Variants in PPP6R2 observed in about 807,000 individuals in gnomAD.
PPP6R2 encodes the protein protein phosphatase 6 regulatory subunit 2, also known as serine/threonine-protein phosphatase 6 regulatory subunit 2.
In PPP6R2, 62 loss-of-function variants were observed where a neutral mutation model predicts 100.2. The observed-to-expected ratio is 0.62, with a 90% CI of 0.50 to 0.76. The LOEUF (loss-of-function observed/expected upper bound fraction) is 0.76. Among genes scored for constraint, PPP6R2 ranks in the 30% least tolerant of loss-of-function variants. The probability of loss-of-function intolerance (pLI) is 0.00; values close to 1 mark genes in which losing one functional copy is unlikely to be tolerated. For missense variants in PPP6R2, 1,142 were observed against 1,276.3 expected, an observed-to-expected ratio of 0.89 and a Z score of 1.60; for synonymous variants, 525 against 514.7, an observed-to-expected ratio of 1.02 and a Z score of -0.27.
chr22:50,437,776 A>G, intron 16 of PPP6R2, 67 bp from the exon 17 acceptor site: 2 of 1,515,830 alleles, frequency 1.3e-6, no homozygotes, highest in Admixed American at 2.0e-5. Context: ...CCGGGGGAGG[A>G]GCACTGAGGC....
chr22:50,398,943 C>T (rs2057570254), intron 3 of PPP6R2, among the ~76,000 whole-genome samples: 1 of 152,136 alleles, frequency 6.6e-6, no homozygotes, highest in Non-Finnish European at 1.5e-5. Context: ...ACAAAAAACA[C>T]TTTTTTTGAG....
At chr22:50,414,467 A>C in intron 4 of PPP6R2, 85 bp from the exon 5 acceptor site, 1 of 1,479,094 alleles carries the variant, frequency 6.8e-7, no homozygotes, top group South Asian at 1.2e-5. Flanking sequence ...TTACTAGTTC[A>C]ACTTTCCCAT....
In PPP6R2 at chr22:50,437,913, G is replaced by T; in HGVS notation, c.1839+13G>T. Reference sequence around the variant, plus strand: ...TGACGAGGACAGTGTGAGCAAGCCGGGCTGTGTGGGGTGCCGCCACCCTTT... The same window carrying T: ...TGACGAGGACAGTGTGAGCAAGCCGTGCTGTGTGGGGTGCCGCCACCCTTT... On this transcript the variant is annotated intron_variant, in intron 17 of 23. Transcript: ENST00000612753. 1 of 1,559,090 alleles carries T rather than the reference G, an allele frequency of 6.4e-7. No homozygotes were observed. The highest frequency in any genetic ancestry group is 8.7e-7 in the Non-Finnish European group (1 of 1,151,696).
At chr22:50,370,758 C>T (rs779111828) in intron 1 of PPP6R2, among the ~76,000 whole-genome samples, 36 of 151,986 alleles carry the variant, frequency 2.4e-4, no homozygotes, top group South Asian at 8.3e-4. Context: ...CTCAGCCTCC[C>T]GAGTAGCTGG....
chr22:50,376,048 G>A (rs972708863), intron 2 of PPP6R2, among the ~76,000 whole-genome samples: 2 of 151,740 alleles, frequency 1.3e-5, no homozygotes, highest in African/African-American at 4.8e-5. Context: ...GGCCAGGCTG[G>A]TCTTGAACTC....
Position 50,431,244 on chromosome 22 carries a change from C to T in PPP6R2, c.1197C>T (p.Leu399=). The change falls in exon 11 of 24, where the codon CTC becomes CTT. Residue 399 remains leucine, a synonymous_variant. Transcript: ENST00000612753. This position sits in a 1 kb window ranked among gnomAD's most constrained non-coding sequence, Gnocchi z 4.8. ...TGGAACTATGCATAGCCGCTATTCT[C>T]TCCCACGCTGCCCGTGAGGAGAGGA... is the stretch of plus-strand genomic sequence containing the variant. ...FQVELCIAAI[L]SHAAREERTE... 6.2e-7 allele frequency: 1 copy of T among 1,613,902 alleles called. No homozygotes were observed. Among genetic ancestry groups the T allele is most frequent in the South Asian group, 1.1e-5 (1 of 91,084 alleles).
chr22:50,342,548 A>C (rs982661374), upstream of PPP6R2, among the ~76,000 whole-genome samples: 69 of 152,354 alleles, frequency 4.5e-4, no homozygotes, highest in African/African-American at 1.5e-3. Flanking sequence ...TGAGCCGCCC[A>C]GATACGCTTT....
intron 2 of PPP6R2, among the ~76,000 whole-genome samples, chr22:50,382,771 C>T (rs1394091119): frequency 6.6e-6 from 1 of 151,498 alleles, no homozygotes; most frequent in Non-Finnish European, 1.5e-5. Flanking sequence ...AAATTGAGTG[C>T]AATCCCAATA....
At chr22:50,380,341 G>A (rs903014348) in intron 2 of PPP6R2, among the ~76,000 whole-genome samples, 1 of 150,970 alleles carries the variant, frequency 6.6e-6, no homozygotes, top group Non-Finnish European at 1.5e-5. Flanking sequence ...AAAGTGCTGG[G>A]TTACAGGCGT....
chr22:50,435,845 A>AG (rs1220686305), intron 13 of PPP6R2, among the ~76,000 whole-genome samples: 4 of 152,146 alleles, frequency 2.6e-5, no homozygotes, highest in Non-Finnish European at 1.5e-5. Flanking sequence ...CAGTTTAAGG[A>AG]GGCGAGGGGC....
chr22:50,373,857 C>T (rs2050849130), intron 2 of PPP6R2, among the ~76,000 whole-genome samples: 1 of 152,078 alleles, frequency 6.6e-6, no homozygotes, highest in South Asian at 2.1e-4. Context: ...CGTCAGCCTC[C>T]CGAATAGCTG....
chr22:50,431,151 C>A lies in PPP6R2; in HGVS notation c.1126-22C>A, dbSNP rs778566581. 2.5e-6 allele frequency: 4 copies of A among 1,575,714 alleles called. No individual in the cohort carries two copies. Among genetic ancestry groups the A allele is most frequent in the Admixed American group, 1.7e-5 (1 of 59,814 alleles). ...AGGAGAAAACCGATCTAAGAACTGT[C>A]TTCTGTCCTCTGTTTACCCAGGACT... On this transcript the variant is annotated intron_variant, in intron 10 of 23. Transcript: ENST00000612753. The surrounding 1 kb of genome is among the most constrained non-coding windows in gnomAD (Gnocchi z 4.8).
chr22:50,365,069 CTTTT>C (rs753699499), intron 1 of PPP6R2, among the ~76,000 whole-genome samples: 2 of 128,420 alleles, frequency 1.6e-5, no homozygotes, highest in Non-Finnish European at 3.3e-5. Context: ...ATATGAGATA[CTTTT>C]TTTTTTTTTT....
upstream of PPP6R2, among the ~76,000 whole-genome samples, chr22:50,341,231 G>A (rs900898927): frequency 8.6e-5 from 13 of 151,810 alleles, no homozygotes; most frequent in African/African-American, 2.9e-4. Flanking sequence ...TTTGAGACAT[G>A]GTCTTGTTCT....
chr22:50,402,073 C>G (rs764166288), intron 3 of PPP6R2, among the ~76,000 whole-genome samples: 4 of 152,098 alleles, frequency 2.6e-5, no homozygotes, highest in Non-Finnish European at 4.4e-5. Flanking sequence ...CTGTTCTCTA[C>G]ACTTGCTCTC....
chr22:50,353,084 C>T (rs28880317), intron 1 of PPP6R2, among the ~76,000 whole-genome samples: 5,494 of 152,186 alleles, frequency 0.036, 143 homozygotes, highest in East Asian at 0.12. Context: ...CAGCCTTCTC[C>T]GTGTCAGCAA....
intron 2 of PPP6R2, among the ~76,000 whole-genome samples, chr22:50,392,354 A>C (rs1048708118): frequency 6.6e-6 from 1 of 151,784 alleles, no homozygotes; most frequent in Non-Finnish European, 1.5e-5. Context: ...AAAAAAAAAA[A>C]AAAACCCACC....
At chr22:50,413,934 C>T (rs1381831921) in intron 4 of PPP6R2, among the ~76,000 whole-genome samples, 3 of 152,210 alleles carry the variant, frequency 2.0e-5, no homozygotes, top group Admixed American at 1.3e-4. Flanking sequence ...ACCTTGGATC[C>T]GCCGTCTGAG....
intron 3 of PPP6R2, among the ~76,000 whole-genome samples, chr22:50,400,256 C>A (rs977816159): frequency 7.2e-5 from 11 of 152,212 alleles, no homozygotes; most frequent in Non-Finnish European, 8.8e-5. Context: ...GGCCACTGAC[C>A]ATCCACTCCA....
Sources: gnomAD v4.1 joint callset for allele counts (sites outside exome capture counted in the v4.1 genomes callset) on GRCh38, gnomAD v4.1.1 for gene constraint, Gnocchi (gnomAD v3.1) non-coding constraint, MANE v1.5 for transcripts, NCBI Gene and HGNC (gene_info 2026-07-23, HGNC 2026-07-21) for gene names.